Variants in OCA2 observed in about 807,000 individuals in gnomAD.
OCA2 encodes OCA2 melanosomal transmembrane protein, also known as P protein.
OCA2 carries 77 observed loss-of-function variants against 100.2 expected under a neutral mutation model. The observed-to-expected ratio is 0.77, with a 90% CI of 0.64 to 0.93. The LOEUF (loss-of-function observed/expected upper bound fraction) is 0.93. Among genes scored for constraint, OCA2 ranks in the 40% least tolerant of loss-of-function variants. OCA2 has a pLI of 0.00. For synonymous variants in OCA2, 432 were observed against 439.2 expected, an observed-to-expected ratio of 0.98 and a Z score of 0.21; for missense variants, 1,062 against 1,089.1, an observed-to-expected ratio of 0.98 and a Z score of 0.35.
intron 2 of OCA2, among the ~76,000 whole-genome samples, chr15:28,055,966 G>A (rs2043680285): frequency 6.6e-6 from 1 of 152,138 alleles, no homozygotes; most frequent in Admixed American, 6.5e-5. Context: ...CTGACTGGGG[G>A]AGCAGAAAAG....
rs1403009794 is a variant in OCA2, at chr15:28,032,067, T to G, written c.324A>C (p.Lys108Asn). 1 of 1,609,894 alleles carries G rather than the reference T, an allele frequency of 6.2e-7. No homozygotes were observed. Residue 108 changes from lysine (K) to asparagine (N), a missense_variant and splice_region_variant, in exon 3 of 24, where the codon AAA becomes AAC. Lys to Asn is a moderately conservative substitution (Grantham distance 94). Transcript: ENST00000354638. ...TPLLRNSLQE[K>N]GSRCIPVYHP... The stretch of plus-strand genomic sequence containing the variant: ...ATATGAGGGGGAAAATATCTCACCC[T>G]TTCTCCTGTAAGGAATTCCTCAGCA...
chr15:27,778,171 A>G (rs975848850), intron 23 of OCA2, among the ~76,000 whole-genome samples: 7 of 152,214 alleles, frequency 4.6e-5, no homozygotes, highest in Admixed American at 4.6e-4. Context: ...ACATAATTCC[A>G]TGAGTTAACT....
intron 23 of OCA2, among the ~76,000 whole-genome samples, chr15:27,830,681 G>A (rs1182889365): frequency 6.6e-6 from 1 of 152,092 alleles, no homozygotes; most frequent in Non-Finnish European, 1.5e-5. Flanking sequence ...AACTGAGAGG[G>A]GAGATTTGAT....
At chr15:27,772,621 T>G (rs1463975943) in intron 23 of OCA2, among the ~76,000 whole-genome samples, 1 of 152,036 alleles carries the variant, frequency 6.6e-6, no homozygotes, top group Non-Finnish European at 1.5e-5. Context: ...GGTGGGTAGA[T>G]CACGAGGTCA....
chr15:27,981,119 AT>A (rs2041147072), intron 14 of OCA2, among the ~76,000 whole-genome samples: 1 of 152,204 alleles, frequency 6.6e-6, no homozygotes, highest in Admixed American at 6.5e-5. Context: ...GTAATATTTA[AT>A]ATGCCACTAA....
the OCA2 span, among the ~76,000 whole-genome samples, chr15:27,728,350 A>C: frequency 0.033 from 5,070 of 152,254 alleles, 275 homozygotes; most frequent in African/African-American, 0.12. Flanking sequence ...CAAGAAAAAA[A>C]AATCCTCTGT....
chr15:27,975,777 G>A (rs914564811), intron 14 of OCA2, among the ~76,000 whole-genome samples: 5 of 151,982 alleles, frequency 3.3e-5, no homozygotes, highest in African/African-American at 1.2e-4. Flanking sequence ...CTGAATTTCT[G>A]TATAAATTTT....
chr15:27,776,974 TG>T (rs368182175), intron 23 of OCA2, among the ~76,000 whole-genome samples: 3,950 of 43,190 alleles, frequency 0.091, 83 homozygotes, highest in African/African-American at 0.12. Context: ...GAGCGTGAGG[TG>T]GGGGGGGGTG....
rs144761177 is a variant in OCA2, at chr15:27,816,382, A to G, written c.2432+28577T>C. On this transcript the variant is annotated intron_variant, in intron 23 of 23. Transcript: ENST00000354638. ...TCCACTCTTACCCAGGTAAAATGTT[A>G]TATCACTACAATTACAAGTTGTGTT... Among the ~76,000 whole-genome samples the G allele has an allele frequency of 6.0e-4, 92 of 152,302 alleles. 2 individuals carry two copies. Among genetic ancestry groups the G allele is most frequent in the African/African-American group, 2.0e-3 (83 of 41,574 alleles).
intron 19 of OCA2, among the ~76,000 whole-genome samples, chr15:27,875,313 C>T (rs2036743050): frequency 1.3e-5 from 2 of 152,088 alleles, no homozygotes; most frequent in African/African-American, 2.4e-5. Flanking sequence ...ATTTAAATAA[C>T]ACATAACACA....
chr15:28,022,623 A>C (rs1367376791), intron 5 of OCA2, 50 bp from the exon 6 acceptor site: 2 of 1,374,296 alleles, frequency 1.5e-6, no homozygotes, highest in African/African-American at 2.8e-5. Flanking sequence ...TGAGAGCAGT[A>C]AGGTATAAAT....
At chr15:28,024,224 C>T (rs938825188) in intron 5 of OCA2, among the ~76,000 whole-genome samples, 1 of 152,170 alleles carries the variant, frequency 6.6e-6, no homozygotes, top group Non-Finnish European at 1.5e-5. Context: ...CCGCCCACTG[C>T]CATGGGCTCA....
chr15:27,891,083 A>G (rs2037440202), intron 19 of OCA2, among the ~76,000 whole-genome samples: 1 of 152,162 alleles, frequency 6.6e-6, no homozygotes, highest in Admixed American at 6.5e-5. Context: ...AAAAAGCAGA[A>G]ATGTGTACAC....
At chr15:27,728,182 C>T in the OCA2 span, among the ~76,000 whole-genome samples, 4 of 152,128 alleles carry the variant, frequency 2.6e-5, no homozygotes, top group East Asian at 7.7e-4. Context: ...AGCAAAATTC[C>T]CCTTCATCTG....
chr15:27,776,918 C>CGCA (rs2032254093), intron 23 of OCA2: 1 of 148,140 alleles, frequency 6.8e-6, no homozygotes, highest in South Asian at 2.1e-4. Flanking sequence ...CACCAGGGCC[C>CGCA]GCAGCAGCAG....
At chr15:28,083,689 T>C (rs181264167) in intron 1 of OCA2, among the ~76,000 whole-genome samples, 149 of 152,282 alleles carry the variant, frequency 9.8e-4, no homozygotes, top group African/African-American at 3.5e-3. Context: ...TAAATTTTTT[T>C]ATTTAGAATA....
In OCA2 at chr15:27,964,605, C is replaced by G. The variant is rs142164654; in HGVS notation, c.1636+2085G>C. Reference sequence around the variant, plus strand: ...TCCATTGGGGAGGGGGCGGGGGGTACAAAGCCAACACAAGGAAGAAAACAC... The same window carrying G: ...TCCATTGGGGAGGGGGCGGGGGGTAGAAAGCCAACACAAGGAAGAAAACAC... On this transcript the variant is annotated intron_variant, in intron 15 of 23. Transcript: ENST00000354638. Among the ~76,000 whole-genome samples the G allele has an allele frequency of 2.6e-3, 399 of 152,280 alleles. 1 individual carries two copies. Among genetic ancestry groups the G allele is most frequent in the African/African-American group, 9.1e-3 (380 of 41,558 alleles).
intron 23 of OCA2, among the ~76,000 whole-genome samples, chr15:27,759,883 C>T (rs926828203): frequency 1.3e-5 from 2 of 152,096 alleles, no homozygotes; most frequent in African/African-American, 4.8e-5. Context: ...AGTGCTCCAG[C>T]CAACAACAGC....
chr15:27,784,832 T>C (rs929933403), intron 23 of OCA2, among the ~76,000 whole-genome samples: 17 of 151,858 alleles, frequency 1.1e-4, no homozygotes, highest in African/African-American at 3.9e-4. Flanking sequence ...TCATGAATTG[T>C]GGAATAACAT....
Sources: gnomAD v4.1 joint callset for allele counts (sites outside exome capture counted in the v4.1 genomes callset) on GRCh38, gnomAD v4.1.1 for gene constraint, MANE v1.5 for transcripts, NCBI Gene and HGNC (gene_info 2026-07-23, HGNC 2026-07-21) for gene names.